The following RAB3B variants were observed in gnomAD, a reference collection of about 807,000 sequenced individuals.
The protein encoded by RAB3B is RAB3B, member RAS oncogene family, also known as ras-related protein Rab-3B.
Under a neutral mutation model 20.5 loss-of-function variants are expected in RAB3B, and 11 were observed. The observed-to-expected ratio is 0.54, with a 90% CI of 0.34 to 0.89. RAB3B has a LOEUF of 0.89. Among genes scored for constraint, RAB3B ranks in the 40% least tolerant of loss-of-function variants. The pLI, the probability that RAB3B is intolerant of heterozygous loss-of-function variation, is 0.02. For synonymous variants in RAB3B, 99 were observed against 106.3 expected (o/e 0.93, Z 0.42); for missense variants, 225 against 280.9 (o/e 0.80, Z 1.42).
At chr1:51,953,028 T>C (rs1271733359) in intron 2 of RAB3B, among the ~76,000 whole-genome samples, 2 of 152,232 alleles carry the variant, frequency 1.3e-5, no homozygotes, top group African/African-American at 2.4e-5. Context: ...CTATTAATTA[T>C]GACCTATTTC....
chr1:51,959,081 C>G (rs751898099), intron 2 of RAB3B, among the ~76,000 whole-genome samples: 2 of 152,170 alleles, frequency 1.3e-5, no homozygotes, highest in Non-Finnish European at 2.9e-5. Flanking sequence ...GTTCCAGACA[C>G]ATGCAATACA....
At position 51,942,364 on chromosome 1, in the gene RAB3B, C is replaced by T. The variant is rs11205915; in HGVS notation, c.229-4952G>A. ...ACTAATTAGAAATTCTGGTATATAC[C>T]CCATAAATGAGTTTGGACATGGAGT... On this transcript the variant is annotated intron_variant, in intron 2 of 4. Transcript: ENST00000371655. Among the ~76,000 whole-genome samples, 562 of 152,252 alleles carry T rather than the reference C, an allele frequency of 3.7e-3. 2 individuals carry two copies. The highest frequency in any genetic ancestry group is 0.013 in the African/African-American group (536 of 41,544).
In RAB3B at chr1:51,989,103, G is replaced by GCGCGCACACACACACACACA. The variant is rs377673682; in HGVS notation, c.-1+1448_-1+1449insTGTGTGTGTGTGTGTGCGCG. Among the ~76,000 whole-genome samples, 1,042 of 132,742 alleles carry GCGCGCACACACACACACACA rather than the reference G, an allele frequency of 7.8e-3. 10 individuals are homozygous for GCGCGCACACACACACACACA. Among genetic ancestry groups the GCGCGCACACACACACACACA allele is most frequent in the Non-Finnish European group, 0.013 (793 of 61,970 alleles). 87.1% of individuals were successfully genotyped at this position (132,742 alleles called of 152,430 possible). ...CAGGTGGACACCCACCTGTGCGCGCGCACACACACACACACACACACACAC... is the reference window on the plus strand; with the variant it reads ...CAGGTGGACACCCACCTGTGCGCGCGCGCGCACACACACACACACACACACACACACACACACACACACAC... On this transcript the variant is annotated intron_variant, in intron 1 of 4. Coordinates refer to ENST00000371655, the MANE Select transcript of RAB3B (RefSeq NM_002867.4).
chr1:51,955,000 G>T (rs950806096), intron 2 of RAB3B, among the ~76,000 whole-genome samples: 1 of 152,214 alleles, frequency 6.6e-6, no homozygotes, highest in African/African-American at 2.4e-5. Context: ...CCAACATAGG[G>T]CCTATCACCC....
At chr1:51,934,203 A>C (rs149075834) in intron 3 of RAB3B, among the ~76,000 whole-genome samples, 1 of 152,126 alleles carries the variant, frequency 6.6e-6, no homozygotes, top group Non-Finnish European at 1.5e-5. Flanking sequence ...CTGCCTCCCT[A>C]ACCTTTTTAC....
rs1684029936 is a variant in RAB3B at position 51,913,151 on chromosome 1, G to A, written c.*6776C>T. On this transcript the variant is annotated 3_prime_UTR_variant, in exon 5 of 5. Transcript: ENST00000371655. ...TTATCTACGGTGAATCCTGTGAAAT[G>A]AGAAGTCAGATTCATCCCTCGGGGA... 1 of 152,150 alleles carries A rather than the reference G, an allele frequency of 6.6e-6. No homozygotes were observed. Among genetic ancestry groups the A allele is most frequent in the South Asian group, 2.1e-4 (1 of 4,824 alleles). The allele number at this position is 152,150 out of a possible 1,614,324, so 9.4% of individuals were successfully genotyped here. A position where few individuals can be genotyped will look rare whatever the true frequency, so the allele number is the denominator to read the frequency against.
chr1:51,929,330 C>CTTTTTTTT (rs956055193), intron 4 of RAB3B, among the ~76,000 whole-genome samples: 1 of 151,144 alleles, frequency 6.6e-6, no homozygotes, highest in Non-Finnish European at 1.5e-5. Context: ...CATTCTCTCC[C>CTTTTTTTT]TTTTTTTTTC....
intron 1 of RAB3B, among the ~76,000 whole-genome samples, chr1:51,979,869 C>A (rs1017477293): frequency 2.0e-5 from 3 of 151,592 alleles, no homozygotes; most frequent in African/African-American, 7.3e-5. Context: ...CGGTGAAACC[C>A]CATCTCTACT....
In RAB3B at chr1:51,910,605, C is replaced by T. The variant is rs1247891377; in HGVS notation, c.*9322G>A. On this transcript the variant is annotated 3_prime_UTR_variant, in exon 5 of 5. Coordinates refer to ENST00000371655, the MANE Select transcript of RAB3B (RefSeq NM_002867.4). ...CAGCCTTGGCTCTTTTCACTGTACC[C>T]GAAAAGAAAGGAAGCTTTAGTAATG... The T allele has an allele frequency of 1.3e-5, 2 of 152,000 alleles. No homozygotes were observed. Among genetic ancestry groups the T allele is most frequent in the African/African-American group, 2.4e-5 (1 of 41,356 alleles). The allele number at this position is 152,000 out of a possible 1,614,324, so 9.4% of individuals were successfully genotyped here. A position where few individuals can be genotyped will look rare whatever the true frequency, so the allele number is the denominator to read the frequency against.
intron 2 of RAB3B, among the ~76,000 whole-genome samples, chr1:51,969,413 G>A (rs1684897626): frequency 6.6e-6 from 1 of 152,020 alleles, no homozygotes; most frequent in Non-Finnish European, 1.5e-5. Flanking sequence ...TGAGTGGAAT[G>A]CTTTAGGCCT....
chr1:51,941,002 T>C (rs1204378230), intron 2 of RAB3B, among the ~76,000 whole-genome samples: 1 of 152,012 alleles, frequency 6.6e-6, no homozygotes, highest in East Asian at 1.9e-4. Flanking sequence ...AGTGCAATAC[T>C]ATCATATGCT....
Position 51,954,630 on chromosome 1 carries a change from T to C in RAB3B, c.229-17218A>G, listed in dbSNP as rs141412168. ...GACAGAGTTCATGTACTACTTATTC[T>C]CCCTACTCGAGTGTGTGTTTGAAAT... On this transcript the variant is annotated intron_variant, in intron 2 of 4. Coordinates refer to ENST00000371655, the MANE Select transcript of RAB3B (RefSeq NM_002867.4). 4.5e-4 allele frequency among the ~76,000 whole-genome samples: 68 copies of C among 152,184 alleles called. No individual in the cohort carries two copies. In the East Asian group the frequency reaches 0.012, roughly 28 times the overall value.
At chr1:51,935,214 T>C (rs1285998840) in intron 3 of RAB3B, among the ~76,000 whole-genome samples, 1 of 152,190 alleles carries the variant, frequency 6.6e-6, no homozygotes, top group African/African-American at 2.4e-5. Flanking sequence ...CAACCCTAAC[T>C]GCAACCTGAA....
Position 51,966,962 on chromosome 1 carries a change from A to C in RAB3B, c.228+9928T>G, listed in dbSNP as rs1684860210. Among the ~76,000 whole-genome samples the C allele has an allele frequency of 2.0e-5, 3 of 152,158 alleles. No homozygotes were observed. The South Asian group carries it at 6.2e-4, about 32-fold the overall frequency. On this transcript the variant is annotated intron_variant, in intron 2 of 4. Transcript: ENST00000371655. ...CTGGAATGGGTCAAGGGACATCACC[A>C]TGAGCCCTCAGTAAAGTCCCTATCT... is the stretch of plus-strand genomic sequence containing the variant.
intron 1 of RAB3B, among the ~76,000 whole-genome samples, chr1:51,988,623 T>G (rs962103183): frequency 1.3e-5 from 2 of 152,170 alleles, no homozygotes; most frequent in Non-Finnish European, 2.9e-5. Flanking sequence ...CTCACAACAA[T>G]TCTTGGGAAT....
intron 1 of RAB3B, among the ~76,000 whole-genome samples, chr1:51,985,677 A>G (rs1685141800): frequency 1.3e-5 from 2 of 152,168 alleles, no homozygotes; most frequent in Non-Finnish European, 2.9e-5. Context: ...GAGAACGTAT[A>G]TAAGTATGTT....
chr1:51,927,058 T>C (rs975942256), intron 4 of RAB3B, among the ~76,000 whole-genome samples: 2 of 152,246 alleles, frequency 1.3e-5, no homozygotes, highest in Non-Finnish European at 2.9e-5. Flanking sequence ...TTGTGAATTT[T>C]AAGTCACTGT....
intron 1 of RAB3B, among the ~76,000 whole-genome samples, chr1:51,978,866 T>C (rs1326738140): frequency 6.6e-6 from 1 of 152,222 alleles, no homozygotes; most frequent in Non-Finnish European, 1.5e-5. Context: ...GCTGTAAGGA[T>C]AAGGAGCTGA....
At chr1:51,960,683 G>T (rs185287508) in intron 2 of RAB3B, among the ~76,000 whole-genome samples, 1 of 152,298 alleles carries the variant, frequency 6.6e-6, no homozygotes, top group Admixed American at 6.5e-5. Context: ...ATGGCAACTG[G>T]ACGTCTTCAG....
Sources: gnomAD v4.1 joint callset for allele counts (sites outside exome capture counted in the v4.1 genomes callset) on GRCh38, gnomAD v4.1.1 for gene constraint, MANE v1.5 for transcripts, NCBI Gene and HGNC (gene_info 2026-07-23, HGNC 2026-07-21) for gene names.